Variants in CABYR observed in about 807,000 individuals in gnomAD.
The protein encoded by CABYR is calcium-binding tyrosine phosphorylation-regulated protein.
A neutral mutation model predicts 36.1 loss-of-function variants in CABYR; 31 were observed. That is an observed-to-expected ratio of 0.86 (90% CI 0.64 to 1.16). CABYR has a LOEUF of 1.16. CABYR is among the 50% of genes most tolerant of loss of function. The probability of loss-of-function intolerance (pLI) is 0.00; values close to 1 mark genes in which losing one functional copy is unlikely to be tolerated. For missense variants in CABYR, 429 were observed against 455.8 expected, an observed-to-expected ratio of 0.94 and a Z score of 0.53; for synonymous variants, 146 against 160.7, an observed-to-expected ratio of 0.91 and a Z score of 0.69.
chr18:24,149,588 G>C (rs2085558599), intron 3 of CABYR, among the ~76,000 whole-genome samples: 1 of 152,258 alleles, frequency 6.6e-6, no homozygotes, highest in Non-Finnish European at 1.5e-5. Flanking sequence ...ATGGGACTGG[G>C]TGCTGTGGAG....
intron 1 of CABYR, among the ~76,000 whole-genome samples, chr18:24,142,375 C>G (rs2085345849): frequency 1.5e-5 from 1 of 66,642 alleles, no homozygotes; most frequent in Non-Finnish European, 3.3e-5. Context: ...AAAACATTTT[C>G]TTATAGAAAA....
intron 3 of CABYR, among the ~76,000 whole-genome samples, chr18:24,144,519 T>C (rs2085411890): frequency 6.6e-6 from 1 of 152,160 alleles, no homozygotes; most frequent in South Asian, 2.1e-4. Context: ...ATTCCAGCCT[T>C]TTGGAGGCTG....
At position 24,156,886 on chromosome 18, in the gene CABYR, G is replaced by C. The variant is rs756376903; in HGVS notation, c.541+844G>C. The C allele has an allele frequency of 2.0e-5, 33 of 1,613,978 alleles. No individual in the cohort carries two copies. The highest frequency in any genetic ancestry group is 4.2e-6 in the Non-Finnish European group (5 of 1,180,038). On this transcript the variant is annotated intron_variant, in intron 4 of 5. Transcript: ENST00000399496. ...GAAGCTGCAGAAGCAGTGCACTCAGGTACATCTGTAAAGTCATCTAGTGGC... is the reference window on the plus strand; with the variant it reads ...GAAGCTGCAGAAGCAGTGCACTCAGCTACATCTGTAAAGTCATCTAGTGGC...
intron 3 of CABYR, chr18:24,150,662 C>T (rs1661604799): frequency 1.6e-6 from 1 of 636,552 alleles, no homozygotes; most frequent in South Asian, 7.0e-5. Flanking sequence ...TCAATACAGA[C>T]TAGTTGGAAT....
chr18:24,153,678 G>C (rs1243941361), intron 3 of CABYR, among the ~76,000 whole-genome samples: 1 of 152,128 alleles, frequency 6.6e-6, no homozygotes, highest in Non-Finnish European at 1.5e-5. Context: ...TCAGCTCTCT[G>C]CTGGACTCAA....
intron 4 of CABYR, among the ~76,000 whole-genome samples, chr18:24,159,033 G>C (rs868198650): frequency 1.4e-4 from 22 of 152,192 alleles, no homozygotes; most frequent in African/African-American, 5.3e-4. Context: ...ATTATGTGAA[G>C]ATGACACCTA....
At chr18:24,151,405 T>A (rs2085628868) in intron 3 of CABYR, among the ~76,000 whole-genome samples, 1 of 152,246 alleles carries the variant, frequency 6.6e-6, no homozygotes, top group Non-Finnish European at 1.5e-5. Context: ...TTAATCTTCA[T>A]AAGGTTGAAA....
intron 1 of CABYR, among the ~76,000 whole-genome samples, chr18:24,142,204 C>A (rs538910360): frequency 2.6e-5 from 4 of 152,082 alleles, no homozygotes; most frequent in South Asian, 2.1e-4. Flanking sequence ...CCTGTAATCC[C>A]AGCTACTCGG....
intron 3 of CABYR, 147 bp from the exon 4 acceptor site, chr18:24,155,554 T>C: frequency 1.6e-6 from 1 of 615,844 alleles, no homozygotes; most frequent in Non-Finnish European, 2.8e-6. Flanking sequence ...ACTCCTGGGC[T>C]CAAGCGATCC....
intron 1 of CABYR, among the ~76,000 whole-genome samples, 187 bp from the exon 2 acceptor site, chr18:24,142,904 G>C (rs999661709): frequency 6.6e-6 from 1 of 151,610 alleles, no homozygotes; most frequent in African/African-American, 2.4e-5. Flanking sequence ...GTGGTGCCAT[G>C]TGCCTGTAGT....
chr18:24,144,601 T>A (rs1300348779), intron 3 of CABYR, among the ~76,000 whole-genome samples: 1 of 152,066 alleles, frequency 6.6e-6, no homozygotes, highest in Admixed American at 6.6e-5. Context: ...CCCCCATCTC[T>A]AAACAAACAA....
chr18:24,145,127 A>G (rs938028944), intron 3 of CABYR, among the ~76,000 whole-genome samples: 2 of 152,164 alleles, frequency 1.3e-5, no homozygotes, highest in African/African-American at 4.8e-5. Flanking sequence ...AGTTCCTTTC[A>G]ACTCCTTTTT....
intron 1 of CABYR, among the ~76,000 whole-genome samples, chr18:24,140,678 T>C (rs2085295864): frequency 2.1e-5 from 3 of 145,488 alleles, no homozygotes; most frequent in Admixed American, 1.4e-4. Context: ...AGCCCCACTT[T>C]CCCCCTCCCC....
At chr18:24,147,432 C>G (rs186444134) in intron 3 of CABYR, among the ~76,000 whole-genome samples, 1 of 151,984 alleles carries the variant, frequency 6.6e-6, no homozygotes, top group African/African-American at 2.4e-5. Flanking sequence ...TCCAATGTTA[C>G]GATTTCTATT....
At chr18:24,154,181 G>A (rs1350253103) in intron 3 of CABYR, among the ~76,000 whole-genome samples, 1 of 143,138 alleles carries the variant, frequency 7.0e-6, no homozygotes. Context: ...TTAGGTATTT[G>A]TACTTTTTAA....
At chr18:24,145,899 GCTGAAGTATGCCCACT>G (rs981013352) in intron 3 of CABYR, among the ~76,000 whole-genome samples, 5 of 152,176 alleles carry the variant, frequency 3.3e-5, no homozygotes, top group African/African-American at 1.2e-4. Context: ...TAAGAACAAA[GCTGAAGTATGCCCACT>G]TCAACAGAAT....
chr18:24,156,858 G>C (rs1288197557), intron 4 of CABYR: 23 of 1,613,994 alleles, frequency 1.4e-5, no homozygotes, highest in African/African-American at 2.7e-5. Flanking sequence ...TGTGCTCTCT[G>C]GGGAAGCTGC....
intron 1 of CABYR, among the ~76,000 whole-genome samples, chr18:24,140,477 T>C (rs1389206571): frequency 7.2e-6 from 1 of 139,258 alleles, no homozygotes; most frequent in Admixed American, 7.6e-5. Flanking sequence ...GCACATGAGA[T>C]GTTTTGATTC....
At chr18:24,143,559 A>T (rs1180058202) in intron 3 of CABYR, 146 bp downstream of exon 3, 10 of 206,786 alleles carry the variant, frequency 4.8e-5, no homozygotes, top group Non-Finnish European at 6.6e-5. Flanking sequence ...ATATATATAT[A>T]TTTTTAGAGA....
Sources: allele counts gnomAD v4.1 joint callset (sites outside exome capture counted in the v4.1 genomes callset), GRCh38; gene constraint gnomAD v4.1.1; transcripts MANE v1.5; gene names NCBI Gene and HGNC (gene_info 2026-07-23, HGNC 2026-07-21).